The following CYTIP variants were observed in gnomAD, a reference collection of about 807,000 sequenced individuals.
The protein encoded by CYTIP is cytohesin 1 interacting protein.
Under a neutral mutation model 43.8 loss-of-function variants are expected in CYTIP, and 26 were observed. That is an observed-to-expected ratio of 0.59 (90% CI 0.44 to 0.82). The LOEUF is 0.82. Among genes scored for constraint, CYTIP ranks in the 40% least tolerant of loss-of-function variants. The probability of loss-of-function intolerance (pLI) is 0.00; values close to 1 mark genes in which losing one functional copy is unlikely to be tolerated. For synonymous variants in CYTIP, 162 were observed against 162.9 expected, an observed-to-expected ratio of 0.99 and a Z score of 0.04; for missense variants, 426 against 443.1, an observed-to-expected ratio of 0.96 and a Z score of 0.35.
At position 157,428,593 on chromosome 2, in the gene CYTIP, C is replaced by T. The variant is rs573884084; in HGVS notation, c.477-1173G>A. On this transcript the variant is annotated intron_variant, in intron 5 of 7. Transcript: ENST00000264192. ...TTGTACAGACTGTCTCCCATTTTCC[C>T]GGATTTCCAACAGTTACCTCCATCT... Among the ~76,000 whole-genome samples the T allele has an allele frequency of 2.0e-5, 3 of 152,290 alleles. No homozygotes were observed. In the South Asian group the frequency reaches 6.2e-4, roughly 32 times the overall value.
chr2:157,415,445 A>T lies in CYTIP; in HGVS notation c.*232T>A, dbSNP rs1327481043. 4.5e-6 allele frequency: 2 copies of T among 444,396 alleles called. No homozygotes were observed. Among genetic ancestry groups the T allele is most frequent in the East Asian group, 4.1e-5 (1 of 24,266 alleles). The allele number at this position is 444,396 out of a possible 1,614,324, so 27.5% of individuals were successfully genotyped here. On this transcript the variant is annotated 3_prime_UTR_variant, in exon 8 of 8. Coordinates refer to ENST00000264192, the MANE Select transcript of CYTIP (RefSeq NM_004288.5). The stretch of plus-strand genomic sequence containing the variant: ...ATGAGCAGGAACCTGCATCTTTGTT[A>T]TATTAATTAACTTATTATTTAGTTT...
chr2:157,426,267 T>C (rs1272299162), intron 6 of CYTIP, among the ~76,000 whole-genome samples: 1 of 152,172 alleles, frequency 6.6e-6, no homozygotes, highest in African/African-American at 2.4e-5. Flanking sequence ...GAATTCAAAG[T>C]GAGAAAAGTG....
intron 3 of CYTIP, among the ~76,000 whole-genome samples, chr2:157,432,167 C>A (rs1685723214): frequency 6.6e-6 from 1 of 152,188 alleles, no homozygotes; most frequent in African/African-American, 2.4e-5. Context: ...ACTGTTCTAA[C>A]AATTCTCATT....
chr2:157,432,283 G>A (rs1204011274), intron 3 of CYTIP, among the ~76,000 whole-genome samples: 3 of 152,206 alleles, frequency 2.0e-5, no homozygotes, highest in African/African-American at 4.8e-5. Flanking sequence ...CACATTGGGT[G>A]TAAAATATGG....
rs1685432101 is a variant in CYTIP at position 157,415,918 on chromosome 2, G to T, written c.839C>A (p.Thr280Lys). 6.2e-7 allele frequency: 1 copy of T among 1,614,064 alleles called. No individual in the cohort carries two copies. Among genetic ancestry groups the T allele is most frequent in the African/African-American group, 1.3e-5 (1 of 74,914 alleles). The change falls in exon 8 of 8, where the codon ACA becomes AAA. Residue 280 changes from threonine (T) to lysine (K), a missense_variant. By Grantham distance (78) the Thr-to-Lys change is moderately conservative. Transcript: ENST00000264192. ...CTTGGGGATAAAGCACTCATCATCT[G>T]TACTCGTCTGCCGACTGAAGGCACC... ...SRGAFSRQTS[T>K]DDECFIPKEG...
At chr2:157,416,242 A>G in intron 7 of CYTIP, 99 bp from the exon 8 acceptor site, 1 of 1,001,354 alleles carries the variant, frequency 1.0e-6, no homozygotes, top group Non-Finnish European at 1.4e-6. Flanking sequence ...GAGAAAGAGT[A>G]AGGGTGAAAA....
chr2:157,440,084 G>A (rs1386592234), intron 1 of CYTIP, among the ~76,000 whole-genome samples: 7 of 152,128 alleles, frequency 4.6e-5, no homozygotes, highest in Admixed American at 4.6e-4. Flanking sequence ...AAGTGTTGGG[G>A]AGGGTGCGGG....
In CYTIP at chr2:157,434,362, T is replaced by A. The variant is rs1408667334; in HGVS notation, c.279+8A>T. The A allele has an allele frequency of 8.1e-6, 13 of 1,610,460 alleles. No individual in the cohort carries two copies. The highest frequency in any genetic ancestry group is 1.3e-5 in the African/African-American group (1 of 74,802). On this transcript the variant is annotated splice_region_variant and intron_variant, in intron 3 of 7. Coordinates refer to ENST00000264192, the MANE Select transcript of CYTIP (RefSeq NM_004288.5). ...CTTGGAAGTCTAGAAAATGTGAAAA[T>A]TGCCCACCTGAATTTCAAATCCAAA... is the stretch of plus-strand genomic sequence containing the variant.
intron 1 of CYTIP, among the ~76,000 whole-genome samples, chr2:157,440,741 G>A (rs1685895441): frequency 6.6e-6 from 1 of 152,184 alleles, no homozygotes; most frequent in Non-Finnish European, 1.5e-5. Flanking sequence ...TCAGTCTGTG[G>A]TACCACTGAA....
At chr2:157,419,901 T>A (rs1178420198) in intron 6 of CYTIP, among the ~76,000 whole-genome samples, 2 of 152,228 alleles carry the variant, frequency 1.3e-5, no homozygotes, top group Non-Finnish European at 2.9e-5. Context: ...TGGGCAGAAT[T>A]TTCCAAACTT....
chr2:157,444,089 C>A lies in CYTIP; in HGVS notation c.-69G>T. On this transcript the variant is annotated 5_prime_UTR_variant, in exon 1 of 8. Transcript: ENST00000264192. ...TGCAGGATGGGGGAAGCTAAAAGTA[C>A]AACTGTGACAAGTAATCAAAAGTAG... The A allele has an allele frequency of 1.3e-6, 2 of 1,483,002 alleles. No homozygotes were observed. Among genetic ancestry groups the A allele is most frequent in the Non-Finnish European group, 9.2e-7 (1 of 1,081,780 alleles). The allele number at this position is 1,483,002 out of a possible 1,614,324, so 91.9% of individuals were successfully genotyped here.
chr2:157,432,344 T>C (rs1301177437), intron 3 of CYTIP, among the ~76,000 whole-genome samples: 2 of 152,184 alleles, frequency 1.3e-5, no homozygotes, highest in South Asian at 2.1e-4. Context: ...AAAGTATTAA[T>C]TGGATGCTTT....
At chr2:157,432,015 C>T (rs1685720811) in intron 3 of CYTIP, among the ~76,000 whole-genome samples, 1 of 152,172 alleles carries the variant, frequency 6.6e-6, no homozygotes, top group Non-Finnish European at 1.5e-5. Flanking sequence ...GCACTATGTT[C>T]CCATCTATGT....
chr2:157,421,527 T>G (rs577923099), intron 6 of CYTIP, among the ~76,000 whole-genome samples: 1 of 152,270 alleles, frequency 6.6e-6, no homozygotes, highest in South Asian at 2.1e-4. Flanking sequence ...ACAAAATATT[T>G]CCCAAGCAAT....
At chr2:157,420,267 A>T (rs1171698928) in intron 6 of CYTIP, among the ~76,000 whole-genome samples, 3 of 152,152 alleles carry the variant, frequency 2.0e-5, no homozygotes, top group Non-Finnish European at 1.5e-5. Flanking sequence ...TGTAATCCCA[A>T]TACTTTGGGA....
chr2:157,430,382 T>C (rs372139145), intron 5 of CYTIP, among the ~76,000 whole-genome samples, 177 bp downstream of exon 5: 4 of 152,168 alleles, frequency 2.6e-5, no homozygotes, highest in East Asian at 1.9e-4. Context: ...TATGTTCAAG[T>C]GTGAGGAATC....
In CYTIP at chr2:157,432,453, GC is replaced by G. The variant is rs1452031314; in HGVS notation, c.280-1492del. Among the ~76,000 whole-genome samples the G allele has an allele frequency of 2.6e-5, 4 of 152,242 alleles. No homozygotes were observed. In the East Asian group the frequency reaches 7.7e-4, roughly 29 times the overall value. Reference sequence around the variant, plus strand: ...CAAAGATCTCATTGTCCTTTCTCATGCCCAGTGACATTCATTCTAACACCTG... The same window carrying G: ...CAAAGATCTCATTGTCCTTTCTCATGCCAGTGACATTCATTCTAACACCTG... On this transcript the variant is annotated intron_variant, in intron 3 of 7. Coordinates refer to ENST00000264192, the MANE Select transcript of CYTIP (RefSeq NM_004288.5).
intron 6 of CYTIP, among the ~76,000 whole-genome samples, chr2:157,426,958 G>A (rs568105638): frequency 3.3e-5 from 5 of 152,202 alleles, no homozygotes; most frequent in Admixed American, 6.6e-5. Context: ...AGAAGAGAAG[G>A]ACACCAAAAG....
Position 157,430,543 on chromosome 2 carries a change from C to A in CYTIP, c.476+16G>T. On this transcript the variant is annotated intron_variant, in intron 5 of 7. Transcript: ENST00000264192. ...ATAACATTTTGAAGCCCCACGGGAA[C>A]TAGACAGATAGTTACGTTAGCAGGT... The A allele has an allele frequency of 6.2e-7, 1 of 1,609,682 alleles. No homozygotes were observed.
Sources: gnomAD v4.1 joint callset for allele counts (sites outside exome capture counted in the v4.1 genomes callset) on GRCh38, gnomAD v4.1.1 for gene constraint, MANE v1.5 for transcripts, NCBI Gene and HGNC (gene_info 2026-07-23, HGNC 2026-07-21) for gene names.